The following COL5A1 variants were observed in gnomAD, a reference collection of about 807,000 sequenced individuals.
COL5A1 encodes the protein collagen type V alpha 1 chain, also known as collagen alpha-1(V) chain.
COL5A1 carries 16 observed loss-of-function variants against 263.7 expected under a neutral mutation model. The observed-to-expected ratio is 0.06, with a 90% CI of 0.04 to 0.09. The LOEUF is 0.09. COL5A1 is among the 10% of genes least tolerant of loss of function. The pLI is 1.00. For missense variants in COL5A1, 2,036 were observed against 2,540.5 expected (o/e 0.80, Z 4.27); for synonymous variants, 1,012 against 1,004.5 (o/e 1.01, Z -0.14).
rs915390939 is a variant in COL5A1, at chr9:134,686,079, C to A, written c.110-4833C>A. 6.6e-6 allele frequency among the ~76,000 whole-genome samples: 1 copy of A among 152,238 alleles called. No individual in the cohort carries two copies. Among genetic ancestry groups the A allele is most frequent in the African/African-American group, 2.4e-5 (1 of 41,458 alleles). On this transcript the variant is annotated intron_variant, in intron 1 of 65. Transcript: ENST00000371817. This position sits in a 1 kb window ranked among gnomAD's most constrained non-coding sequence, Gnocchi z 4.6. ...CTATCCATCCATTCATCCGTCCATC[C>A]TGCATGTCTGTGTTGAGCTCCTCCT...
At chr9:134,654,868 C>G (rs552160798) in intron 1 of COL5A1, among the ~76,000 whole-genome samples, 53 of 48,908 alleles carry the variant, frequency 1.1e-3, no homozygotes, top group Admixed American at 1.7e-3. Context: ...CTGGAAGTGT[C>G]TAGGGCTGGG....
At position 134,810,441 on chromosome 9, in the gene COL5A1, C is replaced by T. The variant is rs1422311354; in HGVS notation, c.3528+133C>T. On this transcript the variant is annotated intron_variant, in intron 44 of 65. Coordinates refer to ENST00000371817, the MANE Select transcript of COL5A1 (RefSeq NM_000093.5). ...AGCGGGACATGCTGTGAAAATCTCC[C>T]GTGCATGTGTGTTCCCACAACGTGT... The T allele has an allele frequency of 2.2e-5, 18 of 831,950 alleles. No homozygotes were observed. The Admixed American group carries it at 2.3e-4, about 11-fold the overall frequency. 51.5% of individuals were successfully genotyped at this position (831,950 alleles called of 1,614,324 possible). A position where few individuals can be genotyped will look rare whatever the true frequency, so the allele number is the denominator to read the frequency against.
At chr9:134,658,219 C>T (rs1588412157) in intron 1 of COL5A1, among the ~76,000 whole-genome samples, 1 of 152,226 alleles carries the variant, frequency 6.6e-6, no homozygotes, top group South Asian at 2.1e-4. Context: ...GTGGGCAGCT[C>T]GCCCCTCTGT....
chr9:134,830,779 A>G (rs891792804), intron 64 of COL5A1, among the ~76,000 whole-genome samples: 1 of 152,204 alleles, frequency 6.6e-6, no homozygotes, highest in African/African-American at 2.4e-5. Flanking sequence ...AAAGAACCAC[A>G]TAGGAGGTTC....
At chr9:134,694,836 C>T (rs150590562) in intron 2 of COL5A1, among the ~76,000 whole-genome samples, 9 of 152,248 alleles carry the variant, frequency 5.9e-5, no homozygotes, top group South Asian at 2.1e-4. Context: ...GTGCAGACAT[C>T]GCCTCACGGT....
chr9:134,753,455 A>G (rs1835860511), intron 14 of COL5A1, among the ~76,000 whole-genome samples: 2 of 151,980 alleles, frequency 1.3e-5, no homozygotes, highest in Admixed American at 6.6e-5. Flanking sequence ...ACAGGGCCTG[A>G]CTCAGGGCTG....
chr9:134,760,620 C>CAT (rs1836357121), intron 18 of COL5A1, among the ~76,000 whole-genome samples: 1 of 126,980 alleles, frequency 7.9e-6, no homozygotes, highest in Non-Finnish European at 1.6e-5. Context: ...CACACACACA[C>CAT]ACCCACACAC....
At chr9:134,749,981 G>T (rs1564430668) in intron 11 of COL5A1, among the ~76,000 whole-genome samples, 1 of 152,192 alleles carries the variant, frequency 6.6e-6, no homozygotes, top group African/African-American at 2.4e-5. Flanking sequence ...CATATAAGTG[G>T]GTTCTTGAAG....
chr9:134,822,720 GC>G (rs751574545), intron 59 of COL5A1, among the ~76,000 whole-genome samples: 3 of 141,764 alleles, frequency 2.1e-5, no homozygotes, highest in Admixed American at 6.9e-5. Context: ...TTTCCGCTGC[GC>G]CCCCCCCGCG....
Position 134,731,595 on chromosome 9 carries a change from G to C in COL5A1, c.1264G>C (p.Asp422His), listed in dbSNP as rs760798318. 3.7e-6 allele frequency: 6 copies of C among 1,614,066 alleles called. No individual in the cohort carries two copies. The Admixed American group carries it at 5.0e-5, about 13-fold the overall frequency. The change falls in exon 8 of 66, where the codon GAC becomes CAC. Residue 422 changes from aspartate (D) to histidine (H), a missense_variant. By Grantham distance (81) the Asp-to-His change is moderately conservative. Transcript: ENST00000371817. ...CGAGAACTACTACGACCCCTACTAC[G>C]ACCCCACCAGCTCCCCGTCGGAGAT... The part of the protein sequence containing the change: ...LDENYYDPYY[D>H]PTSSPSEIGP...
At chr9:134,832,416 G>C (rs999676885) in intron 64 of COL5A1, among the ~76,000 whole-genome samples, 7 of 151,920 alleles carry the variant, frequency 4.6e-5, no homozygotes, top group African/African-American at 1.5e-4. Flanking sequence ...CAAAAAAAAA[G>C]AAAGAAAAAA....
chr9:134,823,789 G>C lies in COL5A1; in HGVS notation c.4698+320G>C, dbSNP rs142049804. On this transcript the variant is annotated intron_variant, in intron 61 of 65. Transcript: ENST00000371817. ...TGTGACTGGGCACGTGTGTGTGCAT[G>C]TCTGTATGTGTACGTGCATCCTGTA... 8.6e-3 allele frequency among the ~76,000 whole-genome samples: 1,312 copies of C among 152,304 alleles called. 20 individuals are homozygous for C. Among genetic ancestry groups the C allele is most frequent in the African/African-American group, 0.03 (1,227 of 41,558 alleles).
In COL5A1 at chr9:134,782,745, G is replaced by C. The variant is rs200239457; in HGVS notation, c.2484+25G>C. The C allele has an allele frequency of 5.1e-4, 816 of 1,613,126 alleles. 3 individuals carry two copies. In the African/African-American group the frequency reaches 8.7e-3, roughly 17 times the overall value. On this transcript the variant is annotated intron_variant, in intron 29 of 65. Coordinates refer to ENST00000371817, the MANE Select transcript of COL5A1 (RefSeq NM_000093.5). ...GGTGAGCATCTCAGGTTTGGGATTT[G>C]GGCTGGGGAAAGCTGGGTGGGCTTG... is the stretch of plus-strand genomic sequence containing the variant.
At chr9:134,721,053 G>A (rs1364126062) in intron 4 of COL5A1, among the ~76,000 whole-genome samples, 1 of 152,070 alleles carries the variant, frequency 6.6e-6, no homozygotes, top group East Asian at 1.9e-4. Flanking sequence ...TCACCTGCTG[G>A]GTAGGACACA....
chr9:134,732,002 G>T, intron 8 of COL5A1, 69 bp from the exon 9 acceptor site: 8 of 1,566,050 alleles, frequency 5.1e-6, no homozygotes, highest in Non-Finnish European at 7.0e-6. Flanking sequence ...GGCAGATTTT[G>T]TGTAATCTGG....
rs377732839 is a variant in COL5A1, at chr9:134,830,121, G to T, written c.5136+77G>T. Reference sequence around the variant, plus strand: ...CGTATCTTACAGAGTAAAATGGCCCGCTGGCCCAAAGAGCAGCCTTCCACC... The same window carrying T: ...CGTATCTTACAGAGTAAAATGGCCCTCTGGCCCAAAGAGCAGCCTTCCACC... On this transcript the variant is annotated intron_variant, in intron 64 of 65. Coordinates refer to ENST00000371817, the MANE Select transcript of COL5A1 (RefSeq NM_000093.5). The T allele has an allele frequency of 3.1e-4, 495 of 1,612,620 alleles. 5 individuals are homozygous for T. In the South Asian group the frequency reaches 4.5e-3, roughly 15 times the overall value.
intron 50 of COL5A1, 56 bp downstream of exon 50, chr9:134,814,960 G>A: frequency 1.6e-6 from 2 of 1,253,712 alleles, no homozygotes; most frequent in South Asian, 2.6e-5. Flanking sequence ...GCTCTGCACT[G>A]GGATCATTCT....
In COL5A1 at chr9:134,833,704, A is replaced by G. The variant is rs193086887; in HGVS notation, c.5137-1267A>G. Among the ~76,000 whole-genome samples the G allele has an allele frequency of 3.9e-4, 59 of 152,254 alleles. No homozygotes were observed. The East Asian group carries it at 0.011, about 29-fold the overall frequency. ...TCGCCTCCCCTGAGCACCTCACTAC[A>G]GCTGGCCCGCTCACTCCCCGAGGCC... On this transcript the variant is annotated intron_variant, in intron 64 of 65. Transcript: ENST00000371817.
intron 4 of COL5A1, among the ~76,000 whole-genome samples, chr9:134,708,227 G>A (rs149443004): frequency 1.6e-4 from 25 of 152,274 alleles, no homozygotes; most frequent in African/African-American, 5.1e-4. Context: ...GCACTCCACC[G>A]CCTCGGGCAG....
Sources: gnomAD v4.1 joint callset for allele counts (sites outside exome capture counted in the v4.1 genomes callset) on GRCh38, gnomAD v4.1.1 for gene constraint, Gnocchi (gnomAD v3.1) non-coding constraint, MANE v1.5 for transcripts, NCBI Gene and HGNC (gene_info 2026-07-23, HGNC 2026-07-21) for gene names.